The following KCNJ6 variants were observed in gnomAD, a reference collection of about 807,000 sequenced individuals.
The protein encoded by KCNJ6 is potassium inwardly rectifying channel subfamily J member 6, also known as G protein-activated inward rectifier potassium channel 2.
KCNJ6 carries 9 observed loss-of-function variants against 34.2 expected under a neutral mutation model. That is an observed-to-expected ratio of 0.26 (90% CI 0.16 to 0.46). The LOEUF is 0.46. KCNJ6 is among the 20% of genes least tolerant of loss of function. The pLI is 1.00. For synonymous variants in KCNJ6, 196 were observed against 207.1 expected (o/e 0.95, Z 0.46); for missense variants, 236 against 531.3 (o/e 0.44, Z 5.46).
At position 37,608,843 on chromosome 21, in the gene KCNJ6, G is replaced by A. The variant is rs1463536229; in HGVS notation, c.*16316C>T. ...ACTCACTGTACTGCAAGTGTTCACT[G>A]AGTGCTCATGGCCAGCACTCAGGCA... is the stretch of plus-strand genomic sequence containing the variant. On this transcript the variant is annotated 3_prime_UTR_variant, in exon 4 of 4. Coordinates refer to ENST00000609713, the MANE Select transcript of KCNJ6 (RefSeq NM_002240.5). 1 of 152,168 alleles carries A rather than the reference G, an allele frequency of 6.6e-6. No homozygotes were observed. Among genetic ancestry groups the A allele is most frequent in the African/African-American group, 2.4e-5 (1 of 41,428 alleles). The allele number at this position is 152,168 out of a possible 1,614,324, so 9.4% of individuals were successfully genotyped here.
At chr21:37,814,332 A>T (rs1165647017) in intron 2 of KCNJ6, among the ~76,000 whole-genome samples, 1 of 152,216 alleles carries the variant, frequency 6.6e-6, no homozygotes, top group Non-Finnish European at 1.5e-5. Flanking sequence ...TGTTGGTGAG[A>T]ATGCAAATTA....
At chr21:37,648,527 C>A (rs1468052867) in intron 3 of KCNJ6, among the ~76,000 whole-genome samples, 3 of 152,164 alleles carry the variant, frequency 2.0e-5, no homozygotes, top group African/African-American at 7.2e-5. Flanking sequence ...GGACAAAATC[C>A]AGAATAGATT....
rs186354979 is a variant in KCNJ6, at chr21:37,900,255, T to C, written c.-28+15629A>G. ...TGTGTGGGAGATGCTTATACAGCACTGTTTACAACAACAAAAAAAGGGAAA... is the reference window on the plus strand; with the variant it reads ...TGTGTGGGAGATGCTTATACAGCACCGTTTACAACAACAAAAAAAGGGAAA... On this transcript the variant is annotated intron_variant, in intron 1 of 3. Transcript: ENST00000609713. Among the ~76,000 whole-genome samples the C allele has an allele frequency of 6.1e-4, 93 of 152,338 alleles. 1 individual carries two copies. In the South Asian group the frequency reaches 0.012, roughly 20 times the overall value.
intron 2 of KCNJ6, among the ~76,000 whole-genome samples, chr21:37,790,667 C>T (rs965535403): frequency 1.2e-4 from 18 of 152,206 alleles, no homozygotes; most frequent in Admixed American, 1.1e-3. Context: ...TGGATTTCTG[C>T]TACCTGTAGG....
intron 3 of KCNJ6, among the ~76,000 whole-genome samples, chr21:37,656,022 T>C (rs2054462308): frequency 6.6e-6 from 1 of 152,120 alleles, no homozygotes. Flanking sequence ...TGGACCCTCA[T>C]GGACTTAGGG....
Position 37,783,166 on chromosome 21 carries a change from G to A in KCNJ6, c.25+57492C>T, listed in dbSNP as rs187308481. ...CTCAAGAATCCTGACTTCACCCAGC[G>A]ATGCTTTCACAAGACTCACATCCTT... is the stretch of plus-strand genomic sequence containing the variant. On this transcript the variant is annotated intron_variant, in intron 2 of 3. Transcript: ENST00000609713. Among the ~76,000 whole-genome samples the A allele has an allele frequency of 6.6e-5, 10 of 152,258 alleles. No homozygotes were observed. In the East Asian group the frequency reaches 9.7e-4, roughly 15 times the overall value.
intron 3 of KCNJ6, among the ~76,000 whole-genome samples, chr21:37,701,396 T>TGC (rs2054690386): frequency 2.9e-5 from 1 of 34,374 alleles, no homozygotes; most frequent in Non-Finnish European, 8.7e-5. Flanking sequence ...GTTAACTTTT[T>TGC]GTGTGTGTGT....
intron 2 of KCNJ6, among the ~76,000 whole-genome samples, chr21:37,787,593 C>A (rs2055198335): frequency 6.6e-6 from 1 of 152,188 alleles, no homozygotes; most frequent in South Asian, 2.1e-4. Context: ...TGCCAATCTG[C>A]CTTGGGATCC....
intron 2 of KCNJ6, among the ~76,000 whole-genome samples, chr21:37,732,276 G>T (rs1200711124): frequency 1.3e-5 from 2 of 152,210 alleles, no homozygotes; most frequent in Non-Finnish European, 2.9e-5. Context: ...GGGCTGGCCA[G>T]ACTGGTCACC....
At chr21:37,732,052 G>A (rs2054888407) in intron 2 of KCNJ6, among the ~76,000 whole-genome samples, 1 of 152,246 alleles carries the variant, frequency 6.6e-6, no homozygotes. Flanking sequence ...ATGGCAGCGT[G>A]GCTGGGGAAA....
intron 2 of KCNJ6, among the ~76,000 whole-genome samples, chr21:37,749,021 T>A (rs1601451889): frequency 1.3e-5 from 2 of 152,356 alleles, no homozygotes; most frequent in South Asian, 4.1e-4. Flanking sequence ...TGTGTATGCA[T>A]GTGTGTATGT....
intron 1 of KCNJ6, among the ~76,000 whole-genome samples, chr21:37,865,331 A>C (rs2055617346): frequency 6.6e-6 from 1 of 152,242 alleles, no homozygotes; most frequent in Admixed American, 6.5e-5. Context: ...AAAGTGGAGG[A>C]GGCCTTATGC....
chr21:37,896,197 A>C (rs557050732), intron 1 of KCNJ6, among the ~76,000 whole-genome samples: 24 of 152,342 alleles, frequency 1.6e-4, no homozygotes, highest in African/African-American at 5.5e-4. Flanking sequence ...GAACTCACTC[A>C]CTATGGCGAG....
At chr21:37,746,507 A>ACAAATGTCGTTTTTAT (rs1180817433) in intron 2 of KCNJ6, among the ~76,000 whole-genome samples, 2 of 152,190 alleles carry the variant, frequency 1.3e-5, no homozygotes, top group Non-Finnish European at 2.9e-5. Flanking sequence ...AAGGCTGTGA[A>ACAAATGTCGTTTTTAT]CAAATGTCGT....
chr21:37,712,500 C>A (rs112944150), intron 3 of KCNJ6, among the ~76,000 whole-genome samples: 3,640 of 121,536 alleles, frequency 0.03, 122 homozygotes, highest in African/African-American at 0.11. Context: ...CCTCCCTCCT[C>A]CCCTTCTCCT....
At chr21:37,696,726 ACT>A (rs2054665211) in intron 3 of KCNJ6, among the ~76,000 whole-genome samples, 2 of 152,242 alleles carry the variant, frequency 1.3e-5, no homozygotes, top group Non-Finnish European at 2.9e-5. Context: ...TGAAAATCAC[ACT>A]GTGGTTTTGT....
In KCNJ6 at chr21:37,863,846, G is replaced by GTTTTTTT. The variant is rs772060420; in HGVS notation, c.-27-23144_-27-23138dup. 2.0e-3 allele frequency among the ~76,000 whole-genome samples: 196 copies of GTTTTTTT among 97,032 alleles called. 32 individuals carry two copies. The highest frequency in any genetic ancestry group is 5.4e-3 in the African/African-American group (124 of 23,074). The allele number at this position is 97,032 out of a possible 152,430, so 63.7% of individuals were successfully genotyped here. A position where few individuals can be genotyped will look rare whatever the true frequency, so the allele number is the denominator to read the frequency against. Reference sequence around the variant, plus strand: ...CTTTAAGCAATTTTAAAATATAAAGGTTTTTTTTTTTTTGTTTTTTTTTTT... The same window carrying GTTTTTTT: ...CTTTAAGCAATTTTAAAATATAAAGGTTTTTTTTTTTTTTTTTTTTGTTTTTTTTTTT... On this transcript the variant is annotated intron_variant, in intron 1 of 3. Coordinates refer to ENST00000609713, the MANE Select transcript of KCNJ6 (RefSeq NM_002240.5).
chr21:37,831,784 G>A (rs1019517191), intron 2 of KCNJ6, among the ~76,000 whole-genome samples: 2 of 152,202 alleles, frequency 1.3e-5, no homozygotes, highest in Admixed American at 6.5e-5. Flanking sequence ...AGGGGAATGC[G>A]CAAGGAGGGG....
chr21:37,847,701 C>T (rs899952801), intron 1 of KCNJ6, among the ~76,000 whole-genome samples: 3 of 142,174 alleles, frequency 2.1e-5, no homozygotes, highest in African/African-American at 5.3e-5. Flanking sequence ...TTCTACAGGA[C>T]ATCGATAGAA....
Sources: allele counts gnomAD v4.1 joint callset (sites outside exome capture counted in the v4.1 genomes callset), GRCh38; gene constraint gnomAD v4.1.1; transcripts MANE v1.5; gene names NCBI Gene and HGNC (gene_info 2026-07-23, HGNC 2026-07-21).